Variants in OSBPL6 observed in about 807,000 individuals in gnomAD.
OSBPL6 encodes oxysterol-binding protein-related protein 6.
In OSBPL6, 49 loss-of-function variants were observed where a neutral mutation model predicts 125.8. The ratio of observed to expected loss-of-function variants is 0.39; its 90% CI spans 0.31 to 0.49. The LOEUF is 0.49. Ranked by LOEUF, OSBPL6 falls within the 20% of genes least tolerant of loss-of-function variation. The pLI, the probability that OSBPL6 is intolerant of heterozygous loss-of-function variation, is 0.88. For synonymous variants in OSBPL6, 394 were observed against 391.8 expected (o/e 1.01, Z -0.07); for missense variants, 986 against 1,135.4 (o/e 0.87, Z 1.89).
At chr2:178,266,957 A>T (rs934167858) in intron 1 of OSBPL6, among the ~76,000 whole-genome samples, 1 of 152,316 alleles carries the variant, frequency 6.6e-6, no homozygotes, top group Admixed American at 6.5e-5. Flanking sequence ...TGTTTTCTGG[A>T]CATGTTGATA....
At chr2:178,301,811 G>A (rs1439745533) in intron 2 of OSBPL6, among the ~76,000 whole-genome samples, 3 of 152,118 alleles carry the variant, frequency 2.0e-5, no homozygotes, top group Non-Finnish European at 4.4e-5. Context: ...CTCTCCTGGG[G>A]GCTGTTTGTT....
At chr2:178,223,596 C>G (rs1286878336) in intron 1 of OSBPL6, among the ~76,000 whole-genome samples, 1 of 152,150 alleles carries the variant, frequency 6.6e-6, no homozygotes, top group Non-Finnish European at 1.5e-5. Flanking sequence ...TCAGTTTATT[C>G]TTTGCCTTGG....
rs759674104 is a variant in OSBPL6, at chr2:178,324,229, G to T, written c.155G>T (p.Ser52Ile). The T allele has an allele frequency of 6.3e-7, 1 of 1,582,966 alleles. No individual in the cohort carries two copies. Among genetic ancestry groups the T allele is most frequent in the Non-Finnish European group, 8.6e-7 (1 of 1,159,052 alleles). The change falls in exon 4 of 25, where the codon AGT becomes ATT. Residue 52 changes from serine (S) to isoleucine (I), a missense_variant. By Grantham distance (142) the Ser-to-Ile change is moderately radical. Transcript: ENST00000190611. ...TCCTCTAGCACCGAGCCCTCTGTAA[G>T]TCGGCAATTGCTAGAACCGGAGCCA... ...TASSSTEPSV[S>I]RQLLEPEPVP...
chr2:178,270,235 T>C, intron 1 of OSBPL6, among the ~76,000 whole-genome samples: 1 of 152,194 alleles, frequency 6.6e-6, no homozygotes, highest in East Asian at 1.9e-4. Context: ...AGATGACCTC[T>C]TATTTTCTTT....
At chr2:178,379,325 G>T in intron 15 of OSBPL6, among the ~76,000 whole-genome samples, 1 of 95,740 alleles carries the variant, frequency 1.0e-5, no homozygotes, top group Non-Finnish European at 2.1e-5. Context: ...AAGGAAGGAA[G>T]GAAAGGAAGG....
At chr2:178,393,724 A>G (rs1695607125) in intron 23 of OSBPL6, among the ~76,000 whole-genome samples, 1 of 152,074 alleles carries the variant, frequency 6.6e-6, no homozygotes, top group African/African-American at 2.4e-5. Flanking sequence ...TCTCAATTCT[A>G]TTTCAGTGTT....
chr2:178,341,012 T>C (rs556663924), intron 11 of OSBPL6, among the ~76,000 whole-genome samples: 1 of 152,212 alleles, frequency 6.6e-6, no homozygotes, highest in Non-Finnish European at 1.5e-5. Context: ...GGGACAGATG[T>C]GCCGAGTGAT....
At chr2:178,261,285 A>G (rs760247201) in intron 1 of OSBPL6, among the ~76,000 whole-genome samples, 4 of 152,082 alleles carry the variant, frequency 2.6e-5, no homozygotes, top group Non-Finnish European at 5.9e-5. Context: ...TGGGAGGTTA[A>G]TTTCTATACC....
At chr2:178,357,191 G>C (rs1691875087) in intron 12 of OSBPL6, among the ~76,000 whole-genome samples, 1 of 152,184 alleles carries the variant, frequency 6.6e-6, no homozygotes, top group Non-Finnish European at 1.5e-5. Context: ...AGGACTTCAT[G>C]ACTAAAACAC....
intron 1 of OSBPL6, among the ~76,000 whole-genome samples, chr2:178,274,567 G>C (rs1472577864): frequency 6.6e-6 from 1 of 152,116 alleles, no homozygotes; most frequent in Non-Finnish European, 1.5e-5. Context: ...AATTGACTGA[G>C]CCAGGGTTTG....
chr2:178,258,300 C>T (rs1482652731), intron 1 of OSBPL6, among the ~76,000 whole-genome samples: 1 of 151,690 alleles, frequency 6.6e-6, no homozygotes, highest in Non-Finnish European at 1.5e-5. Flanking sequence ...GGAGTTTTGC[C>T]ATGTTGGCTG....
At chr2:178,336,527 C>T (rs1341670577) in intron 9 of OSBPL6, 94 bp downstream of exon 9, 5 of 1,409,730 alleles carry the variant, frequency 3.5e-6, no homozygotes, top group Non-Finnish European at 3.9e-6. Flanking sequence ...ATCTTTTACC[C>T]TGATTGCCTT....
chr2:178,274,773 T>C (rs2092436410), intron 1 of OSBPL6, among the ~76,000 whole-genome samples: 3 of 152,246 alleles, frequency 2.0e-5, no homozygotes, highest in African/African-American at 4.8e-5. Context: ...ACCAAAAATA[T>C]ATTTACATCT....
intron 12 of OSBPL6, among the ~76,000 whole-genome samples, chr2:178,358,998 C>A (rs899016797): frequency 6.6e-6 from 1 of 151,866 alleles, no homozygotes; most frequent in Admixed American, 6.6e-5. Flanking sequence ...AGTGAGACTC[C>A]ATCTCCACAA....
chr2:178,193,885 C>T (rs1484650353), upstream of OSBPL6, among the ~76,000 whole-genome samples: 1 of 152,190 alleles, frequency 6.6e-6, no homozygotes, highest in Non-Finnish European at 1.5e-5. Context: ...TCTCTGGGCC[C>T]GGGAAGTTTT....
intron 3 of OSBPL6, among the ~76,000 whole-genome samples, chr2:178,317,970 A>G (rs1687910072): frequency 6.6e-6 from 1 of 152,168 alleles, no homozygotes; most frequent in Non-Finnish European, 1.5e-5. Flanking sequence ...GCCGTAATGA[A>G]GCATGATCCG....
At chr2:178,356,896 G>A (rs1691843351) in intron 12 of OSBPL6, among the ~76,000 whole-genome samples, 1 of 152,154 alleles carries the variant, frequency 6.6e-6, no homozygotes, top group Non-Finnish European at 1.5e-5. Context: ...CAGATACATA[G>A]ACCAATGGAA....
chr2:178,238,536 T>C (rs892653850), intron 1 of OSBPL6, among the ~76,000 whole-genome samples: 2 of 152,142 alleles, frequency 1.3e-5, no homozygotes, highest in African/African-American at 4.8e-5. Flanking sequence ...GGAAAAAGAA[T>C]AAAGCCTAAG....
intron 21 of OSBPL6, among the ~76,000 whole-genome samples, chr2:178,389,830 A>G (rs1196101682): frequency 6.6e-6 from 1 of 152,240 alleles, no homozygotes; most frequent in Non-Finnish European, 1.5e-5. Flanking sequence ...TGTTCAATTC[A>G]TGATCCCATT....
Sources: gnomAD v4.1 joint callset for allele counts (sites outside exome capture counted in the v4.1 genomes callset) on GRCh38, gnomAD v4.1.1 for gene constraint, MANE v1.5 for transcripts, NCBI Gene and HGNC (gene_info 2026-07-23, HGNC 2026-07-21) for gene names.